The following CERK variants were observed in gnomAD, a reference collection of about 807,000 sequenced individuals.
CERK encodes the protein ceramide kinase, also known as acylsphingosine kinase.
CERK carries 39 observed loss-of-function variants against 63.4 expected under a neutral mutation model. The observed-to-expected ratio is 0.61, with a 90% confidence interval of 0.48 to 0.80. CERK has a LOEUF of 0.80. Among genes scored for constraint, CERK ranks in the 30% least tolerant of loss-of-function variants. The pLI is 0.00. For missense variants in CERK, 670 were observed against 714.1 expected (o/e 0.94, Z 0.70); for synonymous variants, 302 against 280.0 (o/e 1.08, Z -0.78).
intron 1 of CERK, among the ~76,000 whole-genome samples, chr22:46,725,779 C>T (rs955900958): frequency 3.3e-5 from 5 of 152,326 alleles, no homozygotes; most frequent in East Asian, 3.9e-4. Context: ...GGTTCTCGTG[C>T]GGCTCACGCG....
chr22:46,737,879 G>A, intron 1 of CERK, 128 bp downstream of exon 1: 1 of 558,242 alleles, frequency 1.8e-6, no homozygotes, highest in Non-Finnish European at 2.5e-6. Flanking sequence ...CCTGGCGCCT[G>A]CGCTCCCAGG....
chr22:46,691,892 C>T (rs2082733621), intron 10 of CERK, 115 bp from the exon 11 acceptor site: 1 of 670,058 alleles, frequency 1.5e-6, no homozygotes, highest in Non-Finnish European at 2.6e-6. Context: ...TTAGCAGACA[C>T]TTCATGCAAT....
At chr22:46,700,223 G>A (rs1028287552) in intron 7 of CERK, among the ~76,000 whole-genome samples, 7 of 150,308 alleles carry the variant, frequency 4.7e-5, no homozygotes, top group Non-Finnish European at 7.4e-5. Flanking sequence ...GTGAAACCCC[G>A]TCTCTACTAA....
intron 1 of CERK, among the ~76,000 whole-genome samples, chr22:46,732,333 C>G (rs1004757414): frequency 5.9e-5 from 9 of 151,264 alleles, no homozygotes; most frequent in African/African-American, 1.7e-4. Context: ...GGACCAGCTA[C>G]AGGTTCCTGA....
At chr22:46,708,640 G>C (rs551030298) in intron 5 of CERK, among the ~76,000 whole-genome samples, 1 of 152,192 alleles carries the variant, frequency 6.6e-6, no homozygotes, top group Non-Finnish European at 1.5e-5. Flanking sequence ...GAGAAAGGAC[G>C]GGTTGGTTTC....
chr22:46,732,076 C>T (rs571773206), intron 1 of CERK, among the ~76,000 whole-genome samples: 4 of 152,178 alleles, frequency 2.6e-5, no homozygotes, highest in African/African-American at 4.8e-5. Flanking sequence ...CCAAGGTCAG[C>T]GAGAAAGGAG....
chr22:46,687,724 C>G (rs960543614), intron 12 of CERK, among the ~76,000 whole-genome samples: 42 of 152,276 alleles, frequency 2.8e-4, no homozygotes, highest in African/African-American at 8.7e-4. Flanking sequence ...CAGCAAGAGC[C>G]TTCGGGCTTG....
At chr22:46,737,754 G>T (rs1438899564) in intron 1 of CERK, among the ~76,000 whole-genome samples, 1 of 152,148 alleles carries the variant, frequency 6.6e-6, no homozygotes, top group African/African-American at 2.4e-5. Flanking sequence ...CCGCGGGGAT[G>T]GGGCGCCGGC....
intron 10 of CERK, 79 bp downstream of exon 10, chr22:46,693,348 G>A (rs1201903950): frequency 8.8e-7 from 1 of 1,141,440 alleles, no homozygotes; most frequent in East Asian, 2.4e-5. Context: ...AGGGAGAAGA[G>A]GCAGTGCCCT....
At chr22:46,700,111 C>T (rs995853446) in intron 7 of CERK, among the ~76,000 whole-genome samples, 2 of 151,278 alleles carry the variant, frequency 1.3e-5, no homozygotes, top group African/African-American at 4.9e-5. Flanking sequence ...TAAAATAGGC[C>T]AGGTGCGGTG....
chr22:46,699,559 G>T (rs2082773328), intron 7 of CERK, 94 bp from the exon 8 acceptor site: 2 of 1,192,444 alleles, frequency 1.7e-6, no homozygotes, highest in Non-Finnish European at 2.4e-6. Flanking sequence ...AAACGTGGGA[G>T]TTACTTTTAA....
intron 3 of CERK, among the ~76,000 whole-genome samples, chr22:46,718,593 T>C (rs921091844): frequency 1.3e-5 from 2 of 152,170 alleles, no homozygotes; most frequent in African/African-American, 4.8e-5. Flanking sequence ...CCTGCCCCAG[T>C]TGTAATCAAG....
At chr22:46,688,880 C>G (rs2082716228) in intron 12 of CERK, among the ~76,000 whole-genome samples, 2 of 152,254 alleles carry the variant, frequency 1.3e-5, no homozygotes, top group South Asian at 4.1e-4. Context: ...CTCTACCGTT[C>G]CCCAGTCTCA....
chr22:46,733,957 A>AC (rs2082959057), intron 1 of CERK, among the ~76,000 whole-genome samples: 1 of 151,708 alleles, frequency 6.6e-6, no homozygotes. Context: ...AATCACTTGA[A>AC]CCCGGGAGGT....
At chr22:46,701,979 G>A (rs1026282064) in intron 6 of CERK, among the ~76,000 whole-genome samples, 5 of 152,160 alleles carry the variant, frequency 3.3e-5, no homozygotes, top group South Asian at 2.1e-4. Context: ...TCAGGAGTTC[G>A]AGACCAGCCT....
At chr22:46,698,191 A>G (rs568494330) in intron 8 of CERK, among the ~76,000 whole-genome samples, 14 of 152,270 alleles carry the variant, frequency 9.2e-5, no homozygotes, top group Non-Finnish European at 1.8e-4. Flanking sequence ...TCTCCGCTAT[A>G]AAGTGGGGCA....
chr22:46,730,228 G>A (rs1250301209), intron 1 of CERK, among the ~76,000 whole-genome samples: 1 of 148,640 alleles, frequency 6.7e-6, no homozygotes. Context: ...GACCAGCCTG[G>A]GTAACATGGC....
rs1203715242 is a variant in CERK at position 46,713,523 on chromosome 22, A to AC, written c.380-1231_380-1230insG. 3.9e-3 allele frequency among the ~76,000 whole-genome samples: 586 copies of AC among 150,972 alleles called. 5 individuals carry two copies. The highest frequency in any genetic ancestry group is 5.4e-3 in the Non-Finnish European group (365 of 67,688). Reference sequence around the variant, plus strand: ...GACTTCATCTCAAAAAAAAAAAAAAAAAAAAACAAACAAACAAAAAAACAC... The same window carrying AC: ...GACTTCATCTCAAAAAAAAAAAAAAACAAAAAACAAACAAACAAAAAAACAC... On this transcript the variant is annotated intron_variant, in intron 3 of 12. Transcript: ENST00000216264.
In CERK at chr22:46,697,913, A is replaced by G. The variant is rs115014196; in HGVS notation, c.943+1400T>C. 8.2e-3 allele frequency among the ~76,000 whole-genome samples: 1,256 copies of G among 152,328 alleles called. 20 individuals carry two copies. The highest frequency in any genetic ancestry group is 0.029 in the African/African-American group (1,218 of 41,570). Reference sequence around the variant, plus strand: ...CAACTCTTGTGTCTGAACTGGCACCAGCCTTCATTTCTGGTTCATTCTAAA... The same window carrying G: ...CAACTCTTGTGTCTGAACTGGCACCGGCCTTCATTTCTGGTTCATTCTAAA... On this transcript the variant is annotated intron_variant, in intron 8 of 12. Transcript: ENST00000216264.
Sources: allele counts gnomAD v4.1 joint callset (sites outside exome capture counted in the v4.1 genomes callset), GRCh38; gene constraint gnomAD v4.1.1; transcripts MANE v1.5; gene names NCBI Gene and HGNC (gene_info 2026-07-23, HGNC 2026-07-21).